PFKFB1: variants seen among roughly 807,000 people sequenced by gnomAD.
The protein encoded by PFKFB1 is 6-phosphofructo-2-kinase/fructose-2,6-bisphosphatase 1.
Under a neutral mutation model 46.4 loss-of-function variants are expected in PFKFB1, and 34 were observed. The observed-to-expected ratio is 0.73, with a 90% confidence interval of 0.56 to 0.98. The LOEUF is 0.98. PFKFB1 is among the 50% of genes least tolerant of loss of function. PFKFB1 has a pLI of 0.00. For missense variants in PFKFB1, 393 were observed against 376.3 expected (o/e 1.04, Z -0.37); for synonymous variants, 119 against 133.8 (o/e 0.89, Z 0.76).
rs1182817604 is a variant in PFKFB1, at chrX:54,933,040, CTT to C, written c.*361_*362del. 1.1e-5 allele frequency: 2 copies of C among 179,260 alleles called. No homozygotes were observed. The highest frequency in any genetic ancestry group is 2.1e-5 in the Non-Finnish European group (2 of 96,492). The allele number at this position is 179,260 out of a possible 1,213,427, so 14.8% of individuals were successfully genotyped here. On this transcript the variant is annotated 3_prime_UTR_variant, in exon 14 of 14. Transcript: ENST00000375006. ...CATCTTTGGAGGTGCTACTGTAGAACTTTTCCCTCCAGGAAATCCTCACCCAT... is the reference window on the plus strand; with the variant it reads ...CATCTTTGGAGGTGCTACTGTAGAACTTCCCTCCAGGAAATCCTCACCCAT...
chrX:54,940,743 G>T (rs1933595160), intron 10 of PFKFB1, among the ~76,000 whole-genome samples: 1 of 111,282 alleles, frequency 9.0e-6, no homozygotes, highest in Non-Finnish European at 1.9e-5. Flanking sequence ...AATAAAAGAG[G>T]ATACAAACAA....
intron 9 of PFKFB1, 60 bp from the exon 10 acceptor site, chrX:54,945,603 C>A (rs1933782137): frequency 1.4e-6 from 1 of 739,407 alleles, no homozygotes; most frequent in African/African-American, 2.1e-5. Flanking sequence ...AGAGTCTTTG[C>A]CATAATTCTT....
chrX:54,961,018 G>T, intron 2 of PFKFB1, 101 bp from the exon 3 acceptor site: 2 of 459,961 alleles, frequency 4.3e-6, no homozygotes, highest in Non-Finnish European at 7.6e-6. Context: ...GGTATAATTT[G>T]TAGCTACAAA....
At position 54,956,247 on chromosome X, in the gene PFKFB1, T is replaced by C. The variant is rs1602194428; in HGVS notation, c.544A>G (p.Ile182Val). ...AGAACCTTTTCCCGGTCACAGTCTA[T>C]ATAATCAGGGCTGCCAAGTTTCACT... is the stretch of plus-strand genomic sequence containing the variant. ...RQVKLGSPDY[I>V]DCDREKVLED... is the part of the protein sequence containing the mutation. The change falls in exon 7 of 14, where the codon ATA becomes GTA. Residue 182 changes from isoleucine to valine, a missense_variant. Physicochemically the swap from Ile to Val is conservative, Grantham distance 29. Coordinates refer to ENST00000375006, the MANE Select transcript of PFKFB1 (RefSeq NM_002625.4). The C allele has an allele frequency of 8.3e-7, 1 of 1,211,382 alleles. No individual in the cohort carries two copies. The highest frequency in any genetic ancestry group is 1.1e-6 in the Non-Finnish European group (1 of 895,171).
chrX:54,988,168 T>A (rs1935153089), intron 1 of PFKFB1, among the ~76,000 whole-genome samples: 1 of 111,279 alleles, frequency 9.0e-6, no homozygotes, highest in African/African-American at 3.3e-5. Flanking sequence ...GATCAATATA[T>A]AAAAATCAAT....
At chrX:54,944,063 T>C (rs1933733501) in intron 10 of PFKFB1, among the ~76,000 whole-genome samples, 1 of 111,495 alleles carries the variant, frequency 9.0e-6, no homozygotes, top group African/African-American at 3.3e-5. Context: ...GAGATATTGA[T>C]TTTAGATTTT....
chrX:54,966,111 A>G (rs1417045249), intron 1 of PFKFB1, among the ~76,000 whole-genome samples: 1 of 112,179 alleles, frequency 8.9e-6, no homozygotes, highest in African/African-American at 3.2e-5. Context: ...ATCACTTTAA[A>G]TGTGAATCGA....
intron 8 of PFKFB1, among the ~76,000 whole-genome samples, chrX:54,950,184 A>T (rs761558915): frequency 8.9e-6 from 1 of 112,680 alleles, no homozygotes; most frequent in Admixed American, 9.3e-5. Flanking sequence ...TTCTATATGC[A>T]GCTATAGGCG....
chrX:54,944,646 C>T (rs1316338655), intron 10 of PFKFB1, among the ~76,000 whole-genome samples: 2 of 111,744 alleles, frequency 1.8e-5, no homozygotes, highest in African/African-American at 6.5e-5. Flanking sequence ...GAGGTTTGGT[C>T]ACTATGTAAT....
intron 10 of PFKFB1, among the ~76,000 whole-genome samples, chrX:54,940,193 C>T (rs1271961183): frequency 9.0e-6 from 1 of 111,709 alleles, no homozygotes; most frequent in Admixed American, 9.5e-5. Flanking sequence ...ATTCAGCAGC[C>T]CTTCATGCTA....
chrX:54,990,524 A>G (rs1935214913), intron 1 of PFKFB1, among the ~76,000 whole-genome samples: 1 of 111,729 alleles, frequency 9.0e-6, no homozygotes, highest in Non-Finnish European at 1.9e-5. Flanking sequence ...ATGTTAAAGG[A>G]GACACCAGGT....
intron 10 of PFKFB1, among the ~76,000 whole-genome samples, chrX:54,938,868 C>T (rs1411960972): frequency 4.5e-5 from 5 of 111,558 alleles, no homozygotes; most frequent in Admixed American, 9.5e-5. Flanking sequence ...AGGAATTGAA[C>T]TCAGCTCTGC....
upstream of PFKFB1, chrX:54,998,481 G>A: frequency 3.6e-6 from 4 of 1,101,138 alleles, no homozygotes; most frequent in Non-Finnish European, 3.6e-6. Context: ...GACCCCCAAG[G>A]CAGGTCCAGT....
At chrX:54,976,266 A>G (rs753978204) in intron 1 of PFKFB1, among the ~76,000 whole-genome samples, 92 of 111,780 alleles carry the variant, frequency 8.2e-4, no homozygotes, top group Non-Finnish European at 1.5e-3. Flanking sequence ...TATATAAATA[A>G]CACTTAAAAC....
upstream of PFKFB1, among the ~76,000 whole-genome samples, chrX:54,998,102 G>A (rs1187787214): frequency 8.9e-6 from 1 of 112,090 alleles, no homozygotes; most frequent in African/African-American, 3.2e-5. Flanking sequence ...TCAGTGGGGA[G>A]GTAAGAGCTA....
intron 6 of PFKFB1, among the ~76,000 whole-genome samples, chrX:54,957,528 T>C (rs185473660): frequency 1.4e-4 from 16 of 110,432 alleles, no homozygotes; most frequent in African/African-American, 4.9e-4. Flanking sequence ...AATCAATAGA[T>C]AGATAGATAG....
chrX:54,949,216 G>A lies in PFKFB1; in HGVS notation c.852C>T (p.Ala284=). The change falls in exon 9 of 14, where the codon GCC becomes GCT. Residue 284 remains alanine (A), a synonymous_variant. Coordinates refer to ENST00000375006, the MANE Select transcript of PFKFB1 (RefSeq NM_002625.4). The part of the protein sequence containing the change: ...SGLSVRGKQY[A]YALANFIQSQ... Reference sequence around the variant, plus strand: ...ACTGAATGAAGTTGGCCAGGGCATAGGCATACTAGGATGTGGGGATGCAGA... The same window carrying A: ...ACTGAATGAAGTTGGCCAGGGCATAAGCATACTAGGATGTGGGGATGCAGA... The A allele has an allele frequency of 8.4e-7, 1 of 1,197,521 alleles. No homozygotes were observed. Among genetic ancestry groups the A allele is most frequent in the Non-Finnish European group, 1.1e-6 (1 of 886,377 alleles).
At chrX:54,986,291 TA>T (rs763852539) in intron 1 of PFKFB1, among the ~76,000 whole-genome samples, 2 of 111,053 alleles carry the variant, frequency 1.8e-5, no homozygotes, top group African/African-American at 6.5e-5. Context: ...ATCTCTATTC[TA>T]AAAAAGAAAG....
chrX:54,998,597 C>T (rs28382668), upstream of PFKFB1: 1 of 445,273 alleles, frequency 2.2e-6, no homozygotes, highest in Non-Finnish European at 3.9e-6. Flanking sequence ...GAAATATCAG[C>T]TGTTGTAGTT....
Sources: allele counts gnomAD v4.1 joint callset (sites outside exome capture counted in the v4.1 genomes callset), GRCh38; gene constraint gnomAD v4.1.1; transcripts MANE v1.5; gene names NCBI Gene and HGNC (gene_info 2026-07-23, HGNC 2026-07-21).